Variants in ZNF83 observed in about 807,000 individuals in gnomAD.
ZNF83 encodes zinc finger protein 816B.
For synonymous variants in ZNF83, 209 were observed against 213.0 expected (o/e 0.98, Z 0.17); for missense variants, 552 against 629.9 (o/e 0.88, Z 1.32).
chr19:52,665,054 A>C (rs1036898255), intron 1 of ZNF83, among the ~76,000 whole-genome samples: 1 of 152,208 alleles, frequency 6.6e-6, no homozygotes, highest in Non-Finnish European at 1.5e-5. Flanking sequence ...TGCGAAATGC[A>C]AAGTCCTGCC....
At chr19:52,682,642 T>G (rs577181591) in intron 1 of ZNF83, among the ~76,000 whole-genome samples, 2 of 151,842 alleles carry the variant, frequency 1.3e-5, no homozygotes, top group South Asian at 4.2e-4. Flanking sequence ...CTCTCCAGCC[T>G]AGGCAACAAA....
chr19:52,678,975 A>G (rs1279250625), intron 1 of ZNF83, among the ~76,000 whole-genome samples: 1 of 27,746 alleles, frequency 3.6e-5, no homozygotes, highest in Non-Finnish European at 6.7e-5. Context: ...CTCCATCTCA[A>G]AAAAAAAAAA....
chr19:52,613,835 G>A (rs772705155), exon 3 of ZNF83: 10 of 1,613,820 alleles, frequency 6.2e-6, no homozygotes, highest in Non-Finnish European at 8.5e-6. Context: ...TAGGAATTGC[G>A]ACTGAACACC....
chr19:52,647,499 C>A (rs1280307691), intron 3 of ZNF83, among the ~76,000 whole-genome samples: 1 of 151,972 alleles, frequency 6.6e-6, no homozygotes. Flanking sequence ...CCACACTGGT[C>A]TCAAACTCCT....
chr19:52,624,368 A>G (rs1443878811), intron 2 of ZNF83, among the ~76,000 whole-genome samples: 1 of 152,140 alleles, frequency 6.6e-6, no homozygotes, highest in Admixed American at 6.6e-5. Context: ...ATCCCTGCCA[A>G]CTGTGTCCAG....
intron 2 of ZNF83, among the ~76,000 whole-genome samples, chr19:52,630,424 A>G (rs1036396786): frequency 5.9e-4 from 90 of 152,268 alleles, no homozygotes; most frequent in Admixed American, 1.2e-3. Flanking sequence ...GGGTATTGAC[A>G]GCCAGGCTTC....
chr19:52,683,563 G>A (rs956682203), intron 1 of ZNF83, among the ~76,000 whole-genome samples: 2 of 147,994 alleles, frequency 1.4e-5, no homozygotes, highest in South Asian at 4.3e-4. Context: ...GCCAAACTGG[G>A]TCCTGGTGAT....
intron 1 of ZNF83, among the ~76,000 whole-genome samples, chr19:52,637,907 A>G (rs2061205895): frequency 6.6e-6 from 1 of 152,160 alleles, no homozygotes; most frequent in African/African-American, 2.4e-5. Flanking sequence ...GCAGGATTCC[A>G]GGACCAGGCA....
At chr19:52,676,504 G>A (rs563139395) in intron 1 of ZNF83, among the ~76,000 whole-genome samples, 2 of 151,186 alleles carry the variant, frequency 1.3e-5, no homozygotes, top group African/African-American at 4.9e-5. Context: ...AGGGAGGTGG[G>A]GGGCAGCCCC....
At chr19:52,652,763 TAA>T (rs1245860090) in intron 3 of ZNF83, 2 of 811,126 alleles carry the variant, frequency 2.5e-6, no homozygotes, top group Non-Finnish European at 4.1e-6. Flanking sequence ...TGATGATGAA[TAA>T]GTGATGACTG....
chr19:52,647,915 C>T (rs1468453626), intron 3 of ZNF83, among the ~76,000 whole-genome samples: 1 of 151,524 alleles, frequency 6.6e-6, no homozygotes, highest in Non-Finnish European at 1.5e-5. Flanking sequence ...CCTCTGTACC[C>T]ACTCTCTGGC....
chr19:52,684,529 AAT>A, intron 1 of ZNF83, among the ~76,000 whole-genome samples: 1 of 144,590 alleles, frequency 6.9e-6, no homozygotes, highest in South Asian at 2.3e-4. Context: ...TAGTTTGGAC[AAT>A]AGAGTGAGAC....
chr19:52,639,377 C>A (rs961946322), upstream of ZNF83, among the ~76,000 whole-genome samples: 1 of 144,020 alleles, frequency 6.9e-6, no homozygotes, highest in Non-Finnish European at 1.5e-5. Context: ...TGAGCCACCG[C>A]GCCCGGCTTA....
intron 2 of ZNF83, among the ~76,000 whole-genome samples, chr19:52,625,520 CCTT>C (rs1175454184): frequency 6.6e-6 from 1 of 152,176 alleles, no homozygotes; most frequent in Non-Finnish European, 1.5e-5. Flanking sequence ...GAACTTTTCA[CCTT>C]CTCAATGCTC....
chr19:52,680,684 C>T (rs1157258984), intron 1 of ZNF83, among the ~76,000 whole-genome samples: 4 of 134,694 alleles, frequency 3.0e-5, no homozygotes, highest in Admixed American at 7.7e-5. Flanking sequence ...GCGATCTCGG[C>T]TCACTGCAAG....
chr19:52,658,791 T>TG (rs1335015726), intron 2 of ZNF83, among the ~76,000 whole-genome samples: 1 of 152,176 alleles, frequency 6.6e-6, no homozygotes, highest in Non-Finnish European at 1.5e-5. Flanking sequence ...TTGAGCCAGA[T>TG]GGCCCTCTAG....
chr19:52,689,392 C>CT (rs2062103993), intron 1 of ZNF83, among the ~76,000 whole-genome samples: 11 of 148,528 alleles, frequency 7.4e-5, no homozygotes, highest in African/African-American at 2.2e-4. Context: ...GTTATACCCT[C>CT]ATCCCCACTC....
upstream of ZNF83, among the ~76,000 whole-genome samples, chr19:52,641,567 T>C (rs329953): frequency 0.81 from 122,545 of 151,840 alleles, 50,135 homozygotes; most frequent in African/African-American, 0.95. Context: ...TCCATTACAC[T>C]TAGTTCTTTT....
At chr19:52,654,521 G>T in intron 3 of ZNF83, 1 of 463,298 alleles carries the variant, frequency 2.2e-6, no homozygotes. Context: ...TCCCAAATAT[G>T]ATCTTCAAAG....
Sources: gnomAD v4.1 joint callset for allele counts (sites outside exome capture counted in the v4.1 genomes callset) on GRCh38, gnomAD v4.1.1 for gene constraint, MANE v1.5 for transcripts, NCBI Gene and HGNC (gene_info 2026-07-23, HGNC 2026-07-21) for gene names.